The following FRMD4A variants were observed in gnomAD, a reference collection of about 807,000 sequenced individuals.
FRMD4A encodes FERM domain containing 4A, also known as FERM domain-containing protein 4A.
A neutral mutation model predicts 129.1 loss-of-function variants in FRMD4A; 29 were observed. The ratio of observed to expected loss-of-function variants is 0.22; its 90% CI spans 0.17 to 0.31. The LOEUF (loss-of-function observed/expected upper bound fraction) is 0.31, where lower values mean the gene tolerates loss of function less well. Ranked by LOEUF, FRMD4A falls within the 10% of genes least tolerant of loss-of-function variation. The pLI, the probability that FRMD4A is intolerant of heterozygous loss-of-function variation, is 1.00. For missense variants in FRMD4A, 1,272 were observed against 1,375.8 expected, an observed-to-expected ratio of 0.92 and a Z score of 1.19; for synonymous variants, 634 against 571.6, an observed-to-expected ratio of 1.11 and a Z score of -1.56.
rs543584160 is a variant in FRMD4A, at chr10:14,328,730, T to TAGATA, written c.45+1323_45+1327dup. 3.8e-4 allele frequency among the ~76,000 whole-genome samples: 57 copies of TAGATA among 151,884 alleles called. No individual in the cohort carries two copies. In the East Asian group the frequency reaches 9.9e-3, roughly 26 times the overall value. ...GTTCCCAGAAGTCTCCTAGACCCCA[T>TAGATA]AGATAATGCATTTTAGTGCCAGCCA... is the stretch of plus-strand genomic sequence containing the variant. On this transcript the variant is annotated intron_variant, in intron 2 of 24. Coordinates refer to ENST00000357447, the MANE Select transcript of FRMD4A (RefSeq NM_018027.5).
chr10:13,976,826 A>G (rs1272523081), intron 2 of FRMD4A, among the ~76,000 whole-genome samples: 1 of 152,232 alleles, frequency 6.6e-6, no homozygotes, highest in Non-Finnish European at 1.5e-5. Context: ...AACGTCAGCC[A>G]TAAGATTGGC....
intron 2 of FRMD4A, among the ~76,000 whole-genome samples, chr10:14,070,206 G>A (rs1835254460): frequency 2.0e-5 from 3 of 151,922 alleles, no homozygotes; most frequent in South Asian, 2.1e-4. Context: ...TCCTCATTTG[G>A]GACTCTCCAC....
chr10:14,311,229 C>T (rs1846536469), intron 2 of FRMD4A, among the ~76,000 whole-genome samples: 1 of 152,204 alleles, frequency 6.6e-6, no homozygotes, highest in Non-Finnish European at 1.5e-5. Flanking sequence ...CCTCCTCCCC[C>T]ACCATCGCAG....
At chr10:13,829,979 G>A (rs1434146203) in intron 3 of FRMD4A, among the ~76,000 whole-genome samples, 1 of 152,208 alleles carries the variant, frequency 6.6e-6, no homozygotes. Context: ...TCCTGTCGCT[G>A]GCACCTGATC....
chr10:14,296,859 T>A (rs1846026301), intron 2 of FRMD4A, among the ~76,000 whole-genome samples: 1 of 152,168 alleles, frequency 6.6e-6, no homozygotes, highest in Non-Finnish European at 1.5e-5. Context: ...TTCCCCCCAG[T>A]TCTCATCCTG....
chr10:13,868,217 A>G (rs2094398498), intron 2 of FRMD4A, among the ~76,000 whole-genome samples: 1 of 151,902 alleles, frequency 6.6e-6, no homozygotes, highest in Non-Finnish European at 1.5e-5. Context: ...ATTTTTTAAT[A>G]AAATTTTTAA....
At chr10:14,098,771 G>T (rs1837145003) in intron 2 of FRMD4A, among the ~76,000 whole-genome samples, 1 of 152,168 alleles carries the variant, frequency 6.6e-6, no homozygotes, top group Non-Finnish European at 1.5e-5. Flanking sequence ...TAGCACCCAT[G>T]TGGACAACTT....
chr10:13,854,660 G>C (rs2131023726), intron 3 of FRMD4A, among the ~76,000 whole-genome samples: 1 of 148,798 alleles, frequency 6.7e-6, no homozygotes, highest in East Asian at 2.0e-4. Context: ...TCGAACTCCT[G>C]ACCTCAAGTG....
intron 2 of FRMD4A, among the ~76,000 whole-genome samples, chr10:14,049,251 A>G (rs1003933034): frequency 2.0e-5 from 3 of 152,214 alleles, no homozygotes; most frequent in African/African-American, 7.2e-5. Context: ...AATTAAACCG[A>G]TTATAATTAC....
chr10:14,200,258 T>G (rs969786057), intron 2 of FRMD4A, among the ~76,000 whole-genome samples: 1 of 150,814 alleles, frequency 6.6e-6, no homozygotes. Context: ...GGGGATGGAC[T>G]CAGGGTTGGA....
At position 13,810,881 on chromosome 10, in the gene FRMD4A, C is replaced by A; in HGVS notation, c.139G>T (p.Asp47Tyr). ...QPKLLAKELL[D>Y]LVASHFNLKE... is the part of the protein sequence containing the mutation. ...AGATTGAAGTGAGAAGCCACAAGGT[C>A]AAGAAGCTCCTTGGCCAACAGCTTG... is the stretch of plus-strand genomic sequence containing the variant. Residue 47 changes from aspartate to tyrosine, a missense_variant, in exon 4 of 25, where the codon GAC becomes TAC. Physicochemically the swap from Asp to Tyr is radical, Grantham distance 160. Transcript: ENST00000357447. The A allele has an allele frequency of 6.2e-7, 1 of 1,601,586 alleles. No homozygotes were observed.
intron 2 of FRMD4A, among the ~76,000 whole-genome samples, chr10:13,925,469 G>A (rs1362148972): frequency 1.3e-5 from 2 of 148,930 alleles, no homozygotes; most frequent in Non-Finnish European, 1.5e-5. Flanking sequence ...AAGGCAGCAT[G>A]CAAATGCTCT....
At chr10:14,245,894 C>G (rs1844218091) in intron 2 of FRMD4A, among the ~76,000 whole-genome samples, 1 of 152,162 alleles carries the variant, frequency 6.6e-6, no homozygotes, top group African/African-American at 2.4e-5. Flanking sequence ...GTGCGGGGAG[C>G]CAGACCAACT....
chr10:13,680,869 C>A (rs1267205292), intron 15 of FRMD4A, among the ~76,000 whole-genome samples: 1 of 152,010 alleles, frequency 6.6e-6, no homozygotes, highest in Admixed American at 6.6e-5. Context: ...CATAGTGAGA[C>A]CCCTGCTCTA....
At chr10:13,919,111 AT>A (rs2095041643) in intron 2 of FRMD4A, among the ~76,000 whole-genome samples, 1 of 152,144 alleles carries the variant, frequency 6.6e-6, no homozygotes, top group African/African-American at 2.4e-5. Context: ...ACTCATTGTA[AT>A]TACTGGAGAT....
At chr10:14,165,048 G>T (rs1170171271) in intron 2 of FRMD4A, among the ~76,000 whole-genome samples, 13 of 152,096 alleles carry the variant, frequency 8.5e-5, no homozygotes. Flanking sequence ...CACAGCAAAA[G>T]AAACTATCAA....
intron 2 of FRMD4A, among the ~76,000 whole-genome samples, chr10:13,975,266 T>C (rs187702244): frequency 6.6e-6 from 1 of 152,014 alleles, no homozygotes; most frequent in African/African-American, 2.4e-5. Flanking sequence ...TATGTATGTG[T>C]CTGTGTCTGT....
Position 14,201,608 on chromosome 10 carries a change from T to G in FRMD4A, c.45+128450A>C, listed in dbSNP as rs554358612. Among the ~76,000 whole-genome samples, 3 of 152,342 alleles carry G rather than the reference T, an allele frequency of 2.0e-5. No homozygotes were observed. In the East Asian group the frequency reaches 5.8e-4, roughly 29 times the overall value. On this transcript the variant is annotated intron_variant, in intron 2 of 24. Transcript: ENST00000357447. ...ATGTCCAGCAAATAAAAGTGTGGTC[T>G]GAGAGGAGAGAACCCCCTCTCTAAA...
At chr10:14,285,052 C>G (rs1027211085) in intron 2 of FRMD4A, among the ~76,000 whole-genome samples, 1 of 152,194 alleles carries the variant, frequency 6.6e-6, no homozygotes, top group Non-Finnish European at 1.5e-5. Context: ...ACACTTTCAA[C>G]GTGCTGATTT....
Sources: allele counts gnomAD v4.1 joint callset (sites outside exome capture counted in the v4.1 genomes callset), GRCh38; gene constraint gnomAD v4.1.1; transcripts MANE v1.5; gene names NCBI Gene and HGNC (gene_info 2026-07-23, HGNC 2026-07-21).